EYS: variants seen among roughly 807,000 people sequenced by gnomAD.
EYS encodes protein eyes shut homolog.
EYS carries 250 observed loss-of-function variants against 282.1 expected under a neutral mutation model. The observed-to-expected ratio is 0.89, with a 90% CI of 0.80 to 0.98. EYS has a LOEUF of 0.98. EYS is among the 50% of genes least tolerant of loss of function. EYS has a pLI of 0.00. For missense variants in EYS, 4,016 were observed against 3,709.0 expected (o/e 1.08, Z -2.15); for synonymous variants, 1,355 against 1,282.9 (o/e 1.06, Z -1.20).
intron 33 of EYS, among the ~76,000 whole-genome samples, chr6:64,017,103 T>A (rs1192269143): frequency 6.6e-6 from 1 of 151,822 alleles, no homozygotes; most frequent in Non-Finnish European, 1.5e-5. Context: ...AACTCTTATA[T>A]GAGTGCAAAG....
chr6:63,973,431 A>G (rs542261702), intron 35 of EYS, among the ~76,000 whole-genome samples: 1 of 152,162 alleles, frequency 6.6e-6, no homozygotes, highest in African/African-American at 2.4e-5. Context: ...TGATGAAACA[A>G]ATGCTTGATT....
At chr6:64,196,985 T>C (rs1019059251) in intron 31 of EYS, among the ~76,000 whole-genome samples, 3 of 152,288 alleles carry the variant, frequency 2.0e-5, no homozygotes, top group Admixed American at 6.5e-5. Context: ...TGGCACTTTT[T>C]TTTTTGCAAG....
At chr6:65,351,223 T>C (rs2150325413) in intron 9 of EYS, among the ~76,000 whole-genome samples, 1 of 151,932 alleles carries the variant, frequency 6.6e-6, no homozygotes, top group East Asian at 1.9e-4. Context: ...ATTATCACAC[T>C]GTTTCTTTTC....
intron 1 of EYS, among the ~76,000 whole-genome samples, chr6:65,643,881 C>T (rs1201447236): frequency 6.6e-6 from 1 of 152,068 alleles, no homozygotes; most frequent in African/African-American, 2.4e-5. Flanking sequence ...ACAAGAATAC[C>T]ACATCAAGGG....
At chr6:64,427,368 G>C (rs945762707) in intron 28 of EYS, among the ~76,000 whole-genome samples, 2 of 152,112 alleles carry the variant, frequency 1.3e-5, no homozygotes, top group African/African-American at 2.4e-5. Context: ...AACTTGGGGA[G>C]AGACTGATGT....
chr6:64,449,337 C>A (rs1331159681), intron 26 of EYS, among the ~76,000 whole-genome samples: 1 of 152,024 alleles, frequency 6.6e-6, no homozygotes, highest in African/African-American at 2.4e-5. Context: ...ACAAAGCCTC[C>A]AAGACATATG....
At chr6:65,089,390 G>A (rs940713053) in intron 12 of EYS, among the ~76,000 whole-genome samples, 9 of 152,180 alleles carry the variant, frequency 5.9e-5, no homozygotes, top group Admixed American at 3.9e-4. Flanking sequence ...CTAGATGTAA[G>A]ACAAGGGGTC....
At chr6:65,232,728 A>C (rs1212555717) in intron 12 of EYS, among the ~76,000 whole-genome samples, 1 of 152,070 alleles carries the variant, frequency 6.6e-6, no homozygotes, top group Non-Finnish European at 1.5e-5. Context: ...AGAATACATT[A>C]TACTATTTCC....
At chr6:64,024,534 C>A (rs1434758247) in intron 33 of EYS, among the ~76,000 whole-genome samples, 1 of 152,118 alleles carries the variant, frequency 6.6e-6, no homozygotes, top group African/African-American at 2.4e-5. Flanking sequence ...CAGTGGCAAC[C>A]TGTTTGGGTC....
chr6:65,135,693 CT>C (rs1452522524), intron 12 of EYS, among the ~76,000 whole-genome samples: 1 of 151,744 alleles, frequency 6.6e-6, no homozygotes, highest in Admixed American at 6.6e-5. Flanking sequence ...CAGATTCCAT[CT>C]GTCCAATTTG....
intron 1 of EYS, among the ~76,000 whole-genome samples, chr6:65,656,315 C>T (rs1304800601): frequency 1.3e-5 from 2 of 151,838 alleles, no homozygotes; most frequent in Non-Finnish European, 2.9e-5. Flanking sequence ...AATGATTATG[C>T]TTAGTGAGGA....
chr6:64,530,459 A>C (rs1176284547), intron 26 of EYS, among the ~76,000 whole-genome samples: 1 of 152,080 alleles, frequency 6.6e-6, no homozygotes, highest in African/African-American at 2.4e-5. Context: ...TTGTTTGGTG[A>C]TAAATATTTT....
intron 22 of EYS, among the ~76,000 whole-genome samples, chr6:64,684,659 G>T (rs931035807): frequency 2.0e-5 from 3 of 151,874 alleles, no homozygotes; most frequent in Admixed American, 6.6e-5. Flanking sequence ...TAACATAATG[G>T]CCTGGTAAGG....
At chr6:64,363,036 T>C (rs2150409617) in intron 29 of EYS, among the ~76,000 whole-genome samples, 1 of 150,990 alleles carries the variant, frequency 6.6e-6, no homozygotes. Flanking sequence ...CATGGCTCAC[T>C]ACTGCAGCCT....
intron 22 of EYS, among the ~76,000 whole-genome samples, chr6:64,794,165 T>C (rs1414590188): frequency 2.0e-5 from 3 of 152,186 alleles, no homozygotes; most frequent in East Asian, 1.9e-4. Context: ...TTGTAACATA[T>C]GGCAGCTATC....
intron 13 of EYS, among the ~76,000 whole-genome samples, chr6:65,043,112 A>G (rs1194921056): frequency 6.6e-6 from 1 of 151,534 alleles, no homozygotes; most frequent in East Asian, 1.9e-4. Flanking sequence ...AACTGTATAC[A>G]TCATGGGGTA....
At chr6:65,418,238 T>C (rs112467260) in intron 5 of EYS, among the ~76,000 whole-genome samples, 1 of 152,036 alleles carries the variant, frequency 6.6e-6, no homozygotes, top group African/African-American at 2.4e-5. Context: ...AAAAGTAATT[T>C]TGAGCAACAC....
intron 35 of EYS, among the ~76,000 whole-genome samples, chr6:63,866,617 G>C (rs992476077): frequency 6.6e-6 from 1 of 152,160 alleles, no homozygotes; most frequent in Non-Finnish European, 1.5e-5. Flanking sequence ...CTTTCATCAG[G>C]TGTTGTCAGA....
chr6:64,634,113 A>C (rs1413479839), intron 22 of EYS, among the ~76,000 whole-genome samples: 1 of 152,156 alleles, frequency 6.6e-6, no homozygotes, highest in Non-Finnish European at 1.5e-5. Flanking sequence ...CCTCCCAAGT[A>C]GCTGGGACTA....
Sources: gnomAD v4.1 joint callset for allele counts (sites outside exome capture counted in the v4.1 genomes callset) on GRCh38, gnomAD v4.1.1 for gene constraint, MANE v1.5 for transcripts, NCBI Gene and HGNC (gene_info 2026-07-23, HGNC 2026-07-21) for gene names.